Variants in LGR4 observed in about 807,000 individuals in gnomAD.
The protein encoded by LGR4 is leucine rich repeat containing G protein-coupled receptor 4.
In LGR4, 44 loss-of-function variants were observed where a neutral mutation model predicts 84.8. That is an observed-to-expected ratio of 0.52 (90% confidence interval 0.41 to 0.67). The LOEUF (loss-of-function observed/expected upper bound fraction) is 0.67. Among genes scored for constraint, LGR4 ranks in the 30% least tolerant of loss-of-function variants. The pLI is 0.00. For synonymous variants in LGR4, 429 were observed against 434.3 expected, an observed-to-expected ratio of 0.99 and a Z score of 0.15; for missense variants, 1,032 against 1,131.4, an observed-to-expected ratio of 0.91 and a Z score of 1.26.
chr11:27,448,623 G>C (rs372002419), intron 1 of LGR4, among the ~76,000 whole-genome samples: 4 of 152,080 alleles, frequency 2.6e-5, no homozygotes, highest in Non-Finnish European at 5.9e-5. Context: ...AGAATGTATG[G>C]AAACAAAATG....
At chr11:27,471,082 C>T (rs1185267166) in intron 1 of LGR4, among the ~76,000 whole-genome samples, 2 of 152,148 alleles carry the variant, frequency 1.3e-5, no homozygotes, top group Non-Finnish European at 2.9e-5. Context: ...GGCCACGCAA[C>T]GCAAGAAGCA....
chr11:27,397,373 T>C (rs1863411498), intron 2 of LGR4, among the ~76,000 whole-genome samples: 1 of 152,220 alleles, frequency 6.6e-6, no homozygotes, highest in Admixed American at 6.5e-5. Flanking sequence ...TGCTCTGATC[T>C]TCTTCAATGA....
chr11:27,464,211 G>C (rs952528607), intron 1 of LGR4, among the ~76,000 whole-genome samples: 1 of 152,168 alleles, frequency 6.6e-6, no homozygotes, highest in African/African-American at 2.4e-5. Context: ...ACAGGAGAAG[G>C]CTGGCAATCT....
intron 2 of LGR4, among the ~76,000 whole-genome samples, chr11:27,412,582 T>C (rs571325461): frequency 2.0e-5 from 3 of 152,140 alleles, no homozygotes; most frequent in Non-Finnish European, 4.4e-5. Context: ...TTTTTAGTTA[T>C]GGCTTTCAAA....
chr11:27,462,902 C>T (rs1254377246), intron 1 of LGR4, among the ~76,000 whole-genome samples: 1 of 151,590 alleles, frequency 6.6e-6, no homozygotes, highest in Non-Finnish European at 1.5e-5. Context: ...AAAAACAAAC[C>T]ATTTTTGAAA....
chr11:27,391,251 T>TC, intron 3 of LGR4, 86 bp from the exon 4 acceptor site: 4 of 414,750 alleles, frequency 9.6e-6, no homozygotes, highest in African/African-American at 8.4e-5. Flanking sequence ...TTTTTTTTTT[T>TC]CAAAAAATAT....
intron 2 of LGR4, among the ~76,000 whole-genome samples, chr11:27,406,069 T>A (rs1343480991): frequency 6.6e-6 from 1 of 152,102 alleles, no homozygotes; most frequent in Non-Finnish European, 1.5e-5. Context: ...ACCAACCATT[T>A]TTACCACCTA....
chr11:27,422,208 G>T (rs960276542), intron 1 of LGR4, among the ~76,000 whole-genome samples: 1 of 152,088 alleles, frequency 6.6e-6, no homozygotes, highest in Non-Finnish European at 1.5e-5. Flanking sequence ...CAGACAAAAT[G>T]CACTATTCAT....
intron 1 of LGR4, among the ~76,000 whole-genome samples, chr11:27,460,038 C>T (rs1864654818): frequency 2.6e-5 from 4 of 152,048 alleles, no homozygotes. Context: ...TACAGTGAGC[C>T]GAGATGGCAC....
intron 5 of LGR4, 91 bp downstream of exon 5, chr11:27,385,162 C>T (rs1863162031): frequency 8.9e-6 from 8 of 902,610 alleles, no homozygotes; most frequent in South Asian, 5.7e-5. Context: ...GCATATTCAG[C>T]GAGATGCCTT....
intron 5 of LGR4, 94 bp downstream of exon 5, chr11:27,385,159 C>T (rs1863162002): frequency 2.3e-5 from 20 of 870,534 alleles, no homozygotes; most frequent in Non-Finnish European, 3.2e-5. Context: ...GGAGCATATT[C>T]AGCGAGATGC....
chr11:27,466,300 A>G (rs1043122137), intron 1 of LGR4, among the ~76,000 whole-genome samples: 8 of 152,244 alleles, frequency 5.3e-5, no homozygotes, highest in African/African-American at 1.7e-4. Context: ...TCCATAAATT[A>G]CTAAATGATT....
At chr11:27,451,095 C>A (rs181921840) in intron 1 of LGR4, among the ~76,000 whole-genome samples, 1 of 152,218 alleles carries the variant, frequency 6.6e-6, no homozygotes, top group East Asian at 1.9e-4. Flanking sequence ...ACTAAATGAA[C>A]GGTACTTTTC....
At chr11:27,462,532 CT>C (rs1180454879) in intron 1 of LGR4, among the ~76,000 whole-genome samples, 1 of 152,126 alleles carries the variant, frequency 6.6e-6, no homozygotes, top group Non-Finnish European at 1.5e-5. Flanking sequence ...GATGAGTAGC[CT>C]TTTTCCATTA....
chr11:27,393,332 T>C (rs943352527), intron 2 of LGR4, among the ~76,000 whole-genome samples: 4 of 152,116 alleles, frequency 2.6e-5, no homozygotes, highest in African/African-American at 9.7e-5. Context: ...TTTTCAAATG[T>C]GTACTCAAAA....
chr11:27,411,323 T>C (rs1863707051), intron 2 of LGR4, among the ~76,000 whole-genome samples: 2 of 151,858 alleles, frequency 1.3e-5, no homozygotes, highest in South Asian at 4.2e-4. Context: ...TTGCTTCTTT[T>C]AAACTCAATT....
chr11:27,411,236 T>C (rs916947724), intron 2 of LGR4, among the ~76,000 whole-genome samples: 6 of 152,036 alleles, frequency 3.9e-5, no homozygotes, highest in African/African-American at 1.2e-4. Context: ...TAAAATTGTA[T>C]GTGAAATAAA....
intron 2 of LGR4, among the ~76,000 whole-genome samples, chr11:27,397,569 C>T (rs1376705735): frequency 1.3e-5 from 2 of 152,188 alleles, no homozygotes; most frequent in South Asian, 2.1e-4. Flanking sequence ...ATTATTTTCC[C>T]TTTTCTGCAA....
In LGR4 at chr11:27,378,690, A is replaced by T. The variant is rs1453074925; in HGVS notation, c.1043+7T>A. ...TATGAGGGGAAGGGAAGAAGAATCC[A>T]ACTTACAAAGTCCTAAGCATCTTTT... On this transcript the variant is annotated splice_region_variant and intron_variant, in intron 11 of 17. Coordinates refer to ENST00000379214, the MANE Select transcript of LGR4 (RefSeq NM_018490.5). 6.3e-7 allele frequency: 1 copy of T among 1,584,720 alleles called. No individual in the cohort carries two copies. The highest frequency in any genetic ancestry group is 1.3e-5 in the African/African-American group (1 of 74,454).
Sources: gnomAD v4.1 joint callset for allele counts (sites outside exome capture counted in the v4.1 genomes callset) on GRCh38, gnomAD v4.1.1 for gene constraint, MANE v1.5 for transcripts, NCBI Gene and HGNC (gene_info 2026-07-23, HGNC 2026-07-21) for gene names.